Variants in RELN observed in about 807,000 individuals in gnomAD.
RELN encodes reelin.
In RELN, 108 loss-of-function variants were observed where a neutral mutation model predicts 427.6. The ratio of observed to expected loss-of-function variants is 0.25; its 90% CI spans 0.22 to 0.30. The LOEUF (loss-of-function observed/expected upper bound fraction) is 0.30. Among genes scored for constraint, RELN ranks in the 10% least tolerant of loss-of-function variants. RELN has a pLI of 1.00. For missense variants in RELN, 3,715 were observed against 4,302.8 expected, an observed-to-expected ratio of 0.86 and a Z score of 3.82; for synonymous variants, 1,524 against 1,513.4, an observed-to-expected ratio of 1.01 and a Z score of -0.16.
intron 49 of RELN, among the ~76,000 whole-genome samples, chr7:103,518,185 T>A (rs113494760): frequency 0.016 from 2,392 of 152,284 alleles, 64 homozygotes; most frequent in African/African-American, 0.054. Context: ...AATTAAGTAA[T>A]TTTGTCTTTC....
At chr7:103,750,253 C>T (rs992947445) in intron 5 of RELN, among the ~76,000 whole-genome samples, 2 of 152,202 alleles carry the variant, frequency 1.3e-5, no homozygotes, top group African/African-American at 4.8e-5. Context: ...GCTGGGGTTA[C>T]AGGCGTGAGC....
At chr7:103,483,257 CTG>C (rs757241153) in intron 62 of RELN, among the ~76,000 whole-genome samples, 26 of 152,298 alleles carry the variant, frequency 1.7e-4, no homozygotes, top group Middle Eastern at 3.4e-3. Context: ...GTGACAGACA[CTG>C]TGCTAGAAGC....
At chr7:103,820,068 C>G (rs754552734) in intron 3 of RELN, among the ~76,000 whole-genome samples, 11 of 151,806 alleles carry the variant, frequency 7.2e-5, no homozygotes, top group Non-Finnish European at 1.0e-4. Flanking sequence ...CTATCCATTT[C>G]AATGTATCTT....
At chr7:103,674,598 G>A (rs117464392) in intron 11 of RELN, among the ~76,000 whole-genome samples, 4 of 152,086 alleles carry the variant, frequency 2.6e-5, no homozygotes, top group Non-Finnish European at 4.4e-5. Context: ...TTCATTGCTC[G>A]TTCCTGGGGG....
chr7:103,535,527 A>G, intron 45 of RELN, 43 bp from the exon 46 acceptor site: 1 of 1,539,954 alleles, frequency 6.5e-7, no homozygotes, highest in Non-Finnish European at 9.0e-7. Flanking sequence ...ACATATCTGC[A>G]GACCCAGGAA....
Position 103,651,736 on chromosome 7 carries a change from G to C in RELN, c.1817C>G (p.Thr606Ser). Reference sequence around the variant, plus strand: ...AGCACAGATCTCAGGTAAGCATTCAGTGTGAAGGAGGGACCAGGAGCGCCC... The same window carrying C: ...AGCACAGATCTCAGGTAAGCATTCACTGTGAAGGAGGGACCAGGAGCGCCC... The part of the protein sequence containing the change: ...NHGRSWSLLH[T>S]ECLPEICAGP... The change falls in exon 15 of 65, where the codon ACT becomes AGT. Residue 606 changes from threonine to serine, a missense_variant. Coordinates refer to ENST00000428762, the MANE Select transcript of RELN (RefSeq NM_005045.4). The C allele has an allele frequency of 6.2e-7, 1 of 1,611,842 alleles. No homozygotes were observed. Among genetic ancestry groups the C allele is most frequent in the African/African-American group, 1.3e-5 (1 of 74,888 alleles).
At chr7:103,904,821 A>T (rs1795160290) in intron 2 of RELN, among the ~76,000 whole-genome samples, 2 of 152,148 alleles carry the variant, frequency 1.3e-5, no homozygotes, top group South Asian at 4.1e-4. Context: ...ATAATATTAA[A>T]ATATATTCCC....
intron 11 of RELN, among the ~76,000 whole-genome samples, chr7:103,677,839 C>T (rs967543555): frequency 6.6e-6 from 1 of 151,646 alleles, no homozygotes; most frequent in Non-Finnish European, 1.5e-5. Context: ...CCTTATAGCC[C>T]CACCCTGATT....
intron 2 of RELN, among the ~76,000 whole-genome samples, chr7:103,847,114 G>T (rs569280860): frequency 4.8e-4 from 73 of 152,276 alleles, no homozygotes; most frequent in African/African-American, 1.5e-3. Context: ...AAAGACACAT[G>T]CGCATGTATG....
intron 22 of RELN, among the ~76,000 whole-genome samples, chr7:103,607,859 T>G (rs1042429872): frequency 6.6e-6 from 1 of 152,220 alleles, no homozygotes; most frequent in African/African-American, 2.4e-5. Context: ...GATAGCTGTT[T>G]GGGTCTCATC....
chr7:103,519,987 T>C (rs1829662823), intron 48 of RELN, among the ~76,000 whole-genome samples: 1 of 152,208 alleles, frequency 6.6e-6, no homozygotes, highest in Non-Finnish European at 1.5e-5. Context: ...TGCTGAACTT[T>C]GAAATTTCAG....
intron 11 of RELN, among the ~76,000 whole-genome samples, chr7:103,664,895 T>C (rs1045511821): frequency 6.6e-6 from 1 of 152,190 alleles, no homozygotes; most frequent in Non-Finnish European, 1.5e-5. Context: ...ATCTGTATTG[T>C]ACTTTTTTTC....
At chr7:103,496,431 C>T in intron 56 of RELN, 95 bp downstream of exon 56, 1 of 1,529,092 alleles carries the variant, frequency 6.5e-7, no homozygotes, top group Non-Finnish European at 9.1e-7. Context: ...GGGCTAGGCA[C>T]TCTTATAAAT....
At chr7:103,982,484 A>G (rs1797012219) in intron 1 of RELN, among the ~76,000 whole-genome samples, 1 of 151,992 alleles carries the variant, frequency 6.6e-6, no homozygotes, top group Non-Finnish European at 1.5e-5. Flanking sequence ...AGAGATGGCA[A>G]TGGGGGAAAC....
Position 103,745,047 on chromosome 7 carries a change from C to T in RELN, c.656+4379G>A, listed in dbSNP as rs1442480162. The stretch of plus-strand genomic sequence containing the variant: ...TACTGGGAAACCGAATCCAGCAGCA[C>T]ATCGAAAAGCTTATCCACCATGATC... On this transcript the variant is annotated intron_variant, in intron 6 of 64. Transcript: ENST00000428762. Among the ~76,000 whole-genome samples, 5 of 152,320 alleles carry T rather than the reference C, an allele frequency of 3.3e-5. No individual in the cohort carries two copies. In the East Asian group the frequency reaches 7.7e-4, roughly 23 times the overall value.
intron 7 of RELN, among the ~76,000 whole-genome samples, chr7:103,725,731 T>C (rs77272588): frequency 0.022 from 3,367 of 152,222 alleles, 135 homozygotes; most frequent in African/African-American, 0.077. Flanking sequence ...TAAAGTTCAG[T>C]GTCACCACCT....
chr7:103,548,137 G>A (rs1830339738), intron 41 of RELN, among the ~76,000 whole-genome samples: 1 of 152,124 alleles, frequency 6.6e-6, no homozygotes, highest in African/African-American at 2.4e-5. Flanking sequence ...AAAGACAAAA[G>A]GACTCTAAAA....
chr7:103,771,887 C>T (rs144106773), intron 4 of RELN, among the ~76,000 whole-genome samples: 6 of 152,282 alleles, frequency 3.9e-5, no homozygotes, highest in Admixed American at 3.9e-4. Context: ...TCTGCCTGTC[C>T]ATCATCTGCC....
At chr7:103,748,759 C>T (rs536891439) in intron 6 of RELN, among the ~76,000 whole-genome samples, 11 of 152,296 alleles carry the variant, frequency 7.2e-5, no homozygotes, top group Non-Finnish European at 1.6e-4. Flanking sequence ...ATCTTGAACT[C>T]TTCTGTCCAA....
Sources: gnomAD v4.1 joint callset for allele counts (sites outside exome capture counted in the v4.1 genomes callset) on GRCh38, gnomAD v4.1.1 for gene constraint, MANE v1.5 for transcripts, NCBI Gene and HGNC (gene_info 2026-07-23, HGNC 2026-07-21) for gene names.